The following DGKB variants were observed in gnomAD, a reference collection of about 807,000 sequenced individuals.
DGKB encodes the protein 90 kDa diacylglycerol kinase.
Under a neutral mutation model 114.3 loss-of-function variants are expected in DGKB, and 67 were observed. The ratio of observed to expected loss-of-function variants is 0.59; its 90% CI spans 0.48 to 0.72. The LOEUF is 0.72. Among genes scored for constraint, DGKB ranks in the 30% least tolerant of loss-of-function variants. The pLI is 0.00. For synonymous variants in DGKB, 398 were observed against 323.1 expected (o/e 1.23, Z -2.49); for missense variants, 907 against 975.2 (o/e 0.93, Z 0.93).
At chr7:14,740,407 A>T (rs1832410833) in intron 4 of DGKB, among the ~76,000 whole-genome samples, 1 of 152,046 alleles carries the variant, frequency 6.6e-6, no homozygotes, top group Non-Finnish European at 1.5e-5. Flanking sequence ...ATTTTTCTTG[A>T]AAAGTGTTTT....
At chr7:14,486,317 G>A (rs1032966050) in intron 20 of DGKB, among the ~76,000 whole-genome samples, 18 of 152,272 alleles carry the variant, frequency 1.2e-4, no homozygotes, top group African/African-American at 4.3e-4. Context: ...ATTGTAATTG[G>A]AGGAAAGTTT....
chr7:14,255,570 A>C (rs1396893568), intron 23 of DGKB, among the ~76,000 whole-genome samples: 1 of 152,210 alleles, frequency 6.6e-6, no homozygotes, highest in African/African-American at 2.4e-5. Context: ...AAAAGTAAGA[A>C]TAAATAACAA....
At chr7:14,749,392 CAG>C (rs1367879469) in intron 4 of DGKB, among the ~76,000 whole-genome samples, 21 of 152,164 alleles carry the variant, frequency 1.4e-4, no homozygotes, top group Admixed American at 3.9e-4. Flanking sequence ...TTTAGCACTT[CAG>C]AGTCACATAC....
intron 22 of DGKB, among the ~76,000 whole-genome samples, chr7:14,343,307 C>T (rs959122365): frequency 4.6e-5 from 7 of 151,668 alleles, no homozygotes; most frequent in African/African-American, 2.4e-5. Flanking sequence ...GCTAGAAGGT[C>T]AGGCTGAGAG....
chr7:14,290,290 C>T (rs1801558392), intron 23 of DGKB, among the ~76,000 whole-genome samples: 1 of 151,870 alleles, frequency 6.6e-6, no homozygotes, highest in Non-Finnish European at 1.5e-5. Flanking sequence ...TAATTGAATT[C>T]CAGAGAATGA....
intron 21 of DGKB, among the ~76,000 whole-genome samples, chr7:14,357,035 A>C (rs1340147418): frequency 6.6e-6 from 1 of 152,214 alleles, no homozygotes; most frequent in Non-Finnish European, 1.5e-5. Context: ...CAATTTTGGA[A>C]TAAGTGCAAT....
chr7:14,802,926 A>C (rs1236476700), intron 2 of DGKB, among the ~76,000 whole-genome samples: 1 of 151,862 alleles, frequency 6.6e-6, no homozygotes, highest in Non-Finnish European at 1.5e-5. Context: ...AGTTTTCAAA[A>C]ACTTATCTCA....
At chr7:14,620,047 A>T (rs554759374) in intron 15 of DGKB, among the ~76,000 whole-genome samples, 24 of 151,588 alleles carry the variant, frequency 1.6e-4, no homozygotes, top group Admixed American at 5.9e-4. Context: ...TAAAATGTTG[A>T]TTTTTTTCAA....
intron 20 of DGKB, among the ~76,000 whole-genome samples, chr7:14,550,719 A>T (rs2128641176): frequency 6.6e-6 from 1 of 152,320 alleles, no homozygotes; most frequent in South Asian, 2.1e-4. Context: ...GAACCAAATA[A>T]CAATGATTGT....
chr7:14,772,919 T>A (rs897551415), intron 2 of DGKB, among the ~76,000 whole-genome samples: 1 of 151,786 alleles, frequency 6.6e-6, no homozygotes, highest in East Asian at 1.9e-4. Flanking sequence ...CAGCACTGAC[T>A]ACATCTTCCA....
intron 23 of DGKB, among the ~76,000 whole-genome samples, chr7:14,329,288 A>G (rs1809292702): frequency 6.6e-6 from 1 of 151,876 alleles, no homozygotes; most frequent in African/African-American, 2.4e-5. Flanking sequence ...AAGCAGAATC[A>G]AGTGCTAGAG....
chr7:14,678,363 C>T (rs912510777), intron 12 of DGKB, among the ~76,000 whole-genome samples: 1 of 151,916 alleles, frequency 6.6e-6, no homozygotes, highest in South Asian at 2.1e-4. Flanking sequence ...GATATATTAG[C>T]GTCAAGAAAA....
intron 2 of DGKB, among the ~76,000 whole-genome samples, chr7:14,836,176 C>T (rs573123150): frequency 6.6e-6 from 1 of 152,266 alleles, no homozygotes; most frequent in African/African-American, 2.4e-5. Flanking sequence ...AAGCTCTTTC[C>T]ACTAAGTCAC....
At chr7:14,474,859 AGT>A (rs1781940827) in intron 21 of DGKB, among the ~76,000 whole-genome samples, 1 of 151,904 alleles carries the variant, frequency 6.6e-6, no homozygotes, top group South Asian at 2.1e-4. Flanking sequence ...AAGGACTGGA[AGT>A]TTTTATTCAA....
At chr7:14,344,728 A>G (rs1181290243) in intron 22 of DGKB, among the ~76,000 whole-genome samples, 1 of 149,668 alleles carries the variant, frequency 6.7e-6, no homozygotes, top group African/African-American at 2.5e-5. Context: ...TTACAGACCT[A>G]TTTGCTCCAA....
At chr7:14,170,025 T>C (rs7803849) in intron 25 of DGKB, among the ~76,000 whole-genome samples, 30,417 of 150,384 alleles carry the variant, frequency 0.2, 3,220 homozygotes, top group Admixed American at 0.26. Context: ...TCCCAGCTAC[T>C]TGGGAGGCTG....
chr7:14,416,189 AG>A (rs1825705519), intron 21 of DGKB, among the ~76,000 whole-genome samples: 1 of 152,082 alleles, frequency 6.6e-6, no homozygotes, highest in South Asian at 2.1e-4. Flanking sequence ...TCAGATGAGT[AG>A]GTGGCAAACA....
chr7:14,925,460 G>A (rs36857), intron 1 of DGKB, among the ~76,000 whole-genome samples: 20,930 of 152,086 alleles, frequency 0.14, 1,672 homozygotes, highest in Non-Finnish European at 0.19. Flanking sequence ...ATTTTTATAG[G>A]AAAGGGATTA....
At chr7:14,840,910 C>T (rs543705049) in intron 2 of DGKB, among the ~76,000 whole-genome samples, 1 of 152,286 alleles carries the variant, frequency 6.6e-6, no homozygotes, top group South Asian at 2.1e-4. Context: ...CAGGCTGTCT[C>T]ATCCTCTGCT....
Sources: allele counts gnomAD v4.1 joint callset (sites outside exome capture counted in the v4.1 genomes callset), GRCh38; gene constraint gnomAD v4.1.1; transcripts MANE v1.5; gene names NCBI Gene and HGNC (gene_info 2026-07-23, HGNC 2026-07-21).